CYP7B1: variants seen among roughly 807,000 people sequenced by gnomAD.
CYP7B1 encodes cytochrome P450 family 7 subfamily B member 1.
Under a neutral mutation model 42.7 loss-of-function variants are expected in CYP7B1, and 29 were observed. The observed-to-expected ratio is 0.68, with a 90% confidence interval of 0.51 to 0.93. CYP7B1 has a LOEUF of 0.93. Among genes scored for constraint, CYP7B1 ranks in the 40% least tolerant of loss-of-function variants. CYP7B1 has a pLI of 0.00. For synonymous variants in CYP7B1, 235 were observed against 218.2 expected (o/e 1.08, Z -0.68); for missense variants, 655 against 600.5 (o/e 1.09, Z -0.95).
intron 1 of CYP7B1, among the ~76,000 whole-genome samples, chr8:64,682,436 G>T (rs920409211): frequency 6.6e-6 from 1 of 152,344 alleles, no homozygotes; most frequent in African/African-American, 2.4e-5. Context: ...CATAGGAATA[G>T]AAATGCCCAT....
At chr8:64,729,640 C>T (rs1313260151) in intron 1 of CYP7B1, among the ~76,000 whole-genome samples, 1 of 151,884 alleles carries the variant, frequency 6.6e-6, no homozygotes, top group Non-Finnish European at 1.5e-5. Flanking sequence ...AGATTTTTTC[C>T]CTTCATAAAA....
intron 1 of CYP7B1, among the ~76,000 whole-genome samples, chr8:64,664,138 GCCTGAAGTCA>G (rs1285824121): frequency 6.6e-6 from 1 of 152,144 alleles, no homozygotes; most frequent in African/African-American, 2.4e-5. Flanking sequence ...CACTGCCCAT[GCCTGAAGTCA>G]CCTGGGGGAT....
intron 1 of CYP7B1, among the ~76,000 whole-genome samples, chr8:64,718,599 C>T (rs1458454959): frequency 6.6e-6 from 1 of 152,214 alleles, no homozygotes; most frequent in Non-Finnish European, 1.5e-5. Context: ...CTTCTTGGGT[C>T]TATCCCCCAA....
intron 1 of CYP7B1, among the ~76,000 whole-genome samples, chr8:64,735,574 T>C (rs765881375): frequency 1.3e-5 from 2 of 152,200 alleles, no homozygotes; most frequent in South Asian, 2.1e-4. Flanking sequence ...CAAAACCCCT[T>C]CCTTGAGATT....
chr8:64,655,309 C>G (rs1238509427), intron 1 of CYP7B1, among the ~76,000 whole-genome samples: 1 of 152,038 alleles, frequency 6.6e-6, no homozygotes, highest in African/African-American at 2.4e-5. Flanking sequence ...CTATAAGAAA[C>G]AGACAAGCTT....
intron 1 of CYP7B1, among the ~76,000 whole-genome samples, chr8:64,653,711 G>A (rs1189134126): frequency 6.6e-6 from 1 of 152,154 alleles, no homozygotes; most frequent in Non-Finnish European, 1.5e-5. Context: ...GAAAACTTCA[G>A]GTCAATATCC....
chr8:64,788,520 A>ATGGAGTGGC (rs2129713385), intron 1 of CYP7B1, among the ~76,000 whole-genome samples: 1 of 152,066 alleles, frequency 6.6e-6, no homozygotes, highest in South Asian at 2.1e-4. Context: ...CATCTAGGGG[A>ATGGAGTGGC]CTGTGGGTTT....
chr8:64,784,804 C>T (rs1023418776), intron 1 of CYP7B1, among the ~76,000 whole-genome samples: 49 of 151,776 alleles, frequency 3.2e-4, no homozygotes, highest in African/African-American at 1.1e-3. Context: ...AAACACTTTA[C>T]GAAAAAAAGT....
At chr8:64,704,238 T>C (rs1806959583) in intron 1 of CYP7B1, among the ~76,000 whole-genome samples, 1 of 152,092 alleles carries the variant, frequency 6.6e-6, no homozygotes, top group African/African-American at 2.4e-5. Flanking sequence ...GTCAGCTGAC[T>C]TCATTGTATG....
chr8:64,641,752 A>G (rs1563373606), intron 1 of CYP7B1, among the ~76,000 whole-genome samples: 1 of 152,174 alleles, frequency 6.6e-6, no homozygotes, highest in Non-Finnish European at 1.5e-5. Flanking sequence ...TCTTTGGCTG[A>G]TGAACTGTTA....
chr8:64,652,988 A>G (rs1554528505), intron 1 of CYP7B1, among the ~76,000 whole-genome samples: 1 of 152,238 alleles, frequency 6.6e-6, no homozygotes, highest in Non-Finnish European at 1.5e-5. Flanking sequence ...TCTCTGGGAC[A>G]CAGCTAAGGT....
chr8:64,641,871 T>C (rs1805861138), intron 1 of CYP7B1, among the ~76,000 whole-genome samples: 1 of 152,124 alleles, frequency 6.6e-6, no homozygotes, highest in Admixed American at 6.6e-5. Context: ...CACAGAATAT[T>C]CTCCTTAAAT....
intron 1 of CYP7B1, among the ~76,000 whole-genome samples, chr8:64,746,447 T>C (rs1412865510): frequency 6.6e-6 from 1 of 152,150 alleles, no homozygotes; most frequent in Non-Finnish European, 1.5e-5. Context: ...ACAGAATATA[T>C]TAAAATATAT....
At position 64,698,340 on chromosome 8, in the gene CYP7B1, GA is replaced by G. The variant is rs140612301; in HGVS notation, c.123-73802del. On this transcript the variant is annotated intron_variant, in intron 1 of 5. Transcript: ENST00000310193. ...GCTTTAGCTCCAGCAGCAGGGGGGG[GA>G]AAAAAACTAAACTACGGAATTCTTT... Among the ~76,000 whole-genome samples, 155 of 151,964 alleles carry G rather than the reference GA, an allele frequency of 1.0e-3. 2 individuals are homozygous for G. The highest frequency in any genetic ancestry group is 3.4e-3 in the Middle Eastern group (1 of 294).
chr8:64,652,915 A>C (rs900491611), intron 1 of CYP7B1, among the ~76,000 whole-genome samples: 8 of 152,174 alleles, frequency 5.3e-5, no homozygotes, highest in African/African-American at 1.9e-4. Context: ...TAAATAATTA[A>C]ATCAAGTCAG....
intron 1 of CYP7B1, among the ~76,000 whole-genome samples, chr8:64,677,752 G>A (rs12235020): frequency 9.9e-6 from 1 of 100,956 alleles, no homozygotes; most frequent in Non-Finnish European, 1.8e-5. Context: ...TGTATCTTAA[G>A]ATCTATGTTT....
chr8:64,603,216 T>C (rs1805228143), intron 5 of CYP7B1, among the ~76,000 whole-genome samples: 1 of 152,210 alleles, frequency 6.6e-6, no homozygotes, highest in African/African-American at 2.4e-5. Context: ...GCATTGCTAT[T>C]GAGTATTCCA....
At chr8:64,781,225 A>G (rs1006536769) in intron 1 of CYP7B1, among the ~76,000 whole-genome samples, 1 of 152,122 alleles carries the variant, frequency 6.6e-6, no homozygotes, top group African/African-American at 2.4e-5. Flanking sequence ...CCAAGGTCCA[A>G]TCTCCCAATC....
At chr8:64,785,744 T>C (rs1804515608) in intron 1 of CYP7B1, among the ~76,000 whole-genome samples, 1 of 152,140 alleles carries the variant, frequency 6.6e-6, no homozygotes, top group African/African-American at 2.4e-5. Flanking sequence ...CCAGGATTTT[T>C]AGGGCCATGG....
Sources: allele counts gnomAD v4.1 joint callset (sites outside exome capture counted in the v4.1 genomes callset), GRCh38; gene constraint gnomAD v4.1.1; transcripts MANE v1.5; gene names NCBI Gene and HGNC (gene_info 2026-07-23, HGNC 2026-07-21).